The following ERI3 variants were observed in gnomAD, a reference collection of about 807,000 sequenced individuals.
The protein encoded by ERI3 is ERI1 exoribonuclease 3.
Under a neutral mutation model 44.4 loss-of-function variants are expected in ERI3, and 18 were observed. The observed-to-expected ratio is 0.41, with a 90% CI of 0.28 to 0.60. The LOEUF is 0.60. Among genes scored for constraint, ERI3 ranks in the 20% least tolerant of loss-of-function variants. The pLI is 0.36. For missense variants in ERI3, 294 were observed against 435.5 expected, an observed-to-expected ratio of 0.68 and a Z score of 2.89; for synonymous variants, 183 against 164.8, an observed-to-expected ratio of 1.11 and a Z score of -0.84.
At chr1:44,276,373 TATTAC>T (rs1299563277) in intron 7 of ERI3, among the ~76,000 whole-genome samples, 1 of 152,264 alleles carries the variant, frequency 6.6e-6, no homozygotes, top group Non-Finnish European at 1.5e-5. Flanking sequence ...TATGCATTTG[TATTAC>T]ATTTATACAT....
At chr1:44,318,421 T>C (rs1231905462) in intron 4 of ERI3, among the ~76,000 whole-genome samples, 2 of 152,180 alleles carry the variant, frequency 1.3e-5, no homozygotes, top group Non-Finnish European at 2.9e-5. Flanking sequence ...AAAAGTCAGA[T>C]TAGCGCCCCC....
intron 8 of ERI3, among the ~76,000 whole-genome samples, chr1:44,222,006 G>T (rs552415093): frequency 2.0e-5 from 3 of 152,222 alleles, no homozygotes; most frequent in Non-Finnish European, 4.4e-5. Context: ...TGTTGCTGCC[G>T]CGTGGGGACG....
rs576138561 is a variant in ERI3 at position 44,332,863 on chromosome 1, T to C, written c.489+6182A>G. On this transcript the variant is annotated intron_variant, in intron 3 of 8. Coordinates refer to ENST00000372257, the MANE Select transcript of ERI3 (RefSeq NM_024066.3). The stretch of plus-strand genomic sequence containing the variant: ...GGAGGAGGGGCAAGGACCACATTTA[T>C]GGAGGCAGTGACAAAAAAGACAAAG... Among the ~76,000 whole-genome samples, 19 of 152,268 alleles carry C rather than the reference T, an allele frequency of 1.2e-4. No individual in the cohort carries two copies. In the South Asian group the frequency reaches 3.5e-3, roughly 28 times the overall value.
chr1:44,280,136 A>C (rs1572176953), intron 7 of ERI3, among the ~76,000 whole-genome samples: 1 of 152,222 alleles, frequency 6.6e-6, no homozygotes, highest in African/African-American at 2.4e-5. Context: ...CATTTCTATA[A>C]GCAAACTTCG....
intron 2 of ERI3, among the ~76,000 whole-genome samples, chr1:44,343,191 C>CA (rs1335854761): frequency 6.6e-6 from 1 of 151,414 alleles, no homozygotes; most frequent in Non-Finnish European, 1.5e-5. Flanking sequence ...ACCCACTGGC[C>CA]AAGAAACAAT....
At chr1:44,321,641 G>A (rs1045502257) in intron 3 of ERI3, among the ~76,000 whole-genome samples, 7 of 152,116 alleles carry the variant, frequency 4.6e-5, no homozygotes, top group Admixed American at 2.6e-4. Context: ...TGATTTTTCC[G>A]ATGTGTCCTT....
At chr1:44,253,160 G>A (rs1644716345) in intron 7 of ERI3, among the ~76,000 whole-genome samples, 1 of 152,200 alleles carries the variant, frequency 6.6e-6, no homozygotes, top group Admixed American at 6.5e-5. Context: ...CACAGCTGGT[G>A]AGCCAAATAC....
At chr1:44,296,647 G>C (rs1645617868) in intron 6 of ERI3, among the ~76,000 whole-genome samples, 1 of 152,186 alleles carries the variant, frequency 6.6e-6, no homozygotes, top group African/African-American at 2.4e-5. Context: ...CAATGGCAGA[G>C]AGTAAATCAG....
At position 44,241,243 on chromosome 1, in the gene ERI3, G is replaced by A. The variant is rs1179102522; in HGVS notation, c.931+6696C>T. ...CAAACTACAGATATTGTGTTTTCAGGGAGTGAAGGTGGGGAGAGGGGATAA... is the reference window on the plus strand; with the variant it reads ...CAAACTACAGATATTGTGTTTTCAGAGAGTGAAGGTGGGGAGAGGGGATAA... On this transcript the variant is annotated intron_variant, in intron 8 of 8. Transcript: ENST00000372257. The surrounding 1 kb of genome is among the most constrained non-coding windows in gnomAD (Gnocchi z 5.6). Among the ~76,000 whole-genome samples, 1 of 152,106 alleles carries A rather than the reference G, an allele frequency of 6.6e-6. No individual in the cohort carries two copies. Among genetic ancestry groups the A allele is most frequent in the East Asian group, 1.9e-4 (1 of 5,190 alleles).
At chr1:44,222,338 G>A (rs909582289) in intron 8 of ERI3, among the ~76,000 whole-genome samples, 11 of 152,246 alleles carry the variant, frequency 7.2e-5, no homozygotes, top group East Asian at 1.9e-4. Flanking sequence ...GCCATCAGCC[G>A]TCTACCAAAC....
chr1:44,302,099 C>A (rs1050373975), intron 6 of ERI3, among the ~76,000 whole-genome samples: 1 of 152,174 alleles, frequency 6.6e-6, no homozygotes, highest in Admixed American at 6.5e-5. Context: ...GCCTGGCAGG[C>A]CTGCTGTGTC....
intron 2 of ERI3, among the ~76,000 whole-genome samples, chr1:44,351,483 T>C (rs1646888774): frequency 6.6e-6 from 1 of 152,266 alleles, no homozygotes; most frequent in Admixed American, 6.5e-5. Flanking sequence ...AATAAAGTTT[T>C]ACAGGAATAC....
intron 3 of ERI3, among the ~76,000 whole-genome samples, chr1:44,337,523 G>GT (rs781428703): frequency 1.4e-4 from 22 of 152,318 alleles, no homozygotes; most frequent in Non-Finnish European, 2.8e-4. Context: ...GGCAGAGAAC[G>GT]TAAGTGTGGC....
chr1:44,354,387 A>AGCAG, intron 1 of ERI3: 1 of 985,408 alleles, frequency 1.0e-6, no homozygotes, highest in Non-Finnish European at 1.2e-6. Flanking sequence ...GAGCAGTTAT[A>AGCAG]TTTTGCAAGA....
At chr1:44,354,052 C>T (rs1290221354) in intron 1 of ERI3, 4 of 985,272 alleles carry the variant, frequency 4.1e-6, no homozygotes, top group Non-Finnish European at 4.8e-6. Flanking sequence ...TAAAACAAGG[C>T]ATGCTGTATA....
rs751947145 is a variant in ERI3 at position 44,228,485 on chromosome 1, C to T, written c.932-6845G>A. ...AATATTAGACTTAATTAGAGTTTATCACTTCAGAGAAGTATGCGGACCGAA... is the reference window on the plus strand; with the variant it reads ...AATATTAGACTTAATTAGAGTTTATTACTTCAGAGAAGTATGCGGACCGAA... On this transcript the variant is annotated intron_variant, in intron 8 of 8. Transcript: ENST00000372257. The surrounding 1 kb of genome is among the most constrained non-coding windows in gnomAD (Gnocchi z 4.3). Among the ~76,000 whole-genome samples the T allele has an allele frequency of 2.0e-5, 3 of 152,200 alleles. No homozygotes were observed. The highest frequency in any genetic ancestry group is 2.9e-5 in the Non-Finnish European group (2 of 68,052).
chr1:44,347,826 T>A (rs1646814320), intron 2 of ERI3, among the ~76,000 whole-genome samples: 1 of 151,968 alleles, frequency 6.6e-6, no homozygotes, highest in South Asian at 2.1e-4. Context: ...CTTGTTAGAC[T>A]AATGCATTTC....
intron 3 of ERI3, among the ~76,000 whole-genome samples, chr1:44,333,344 G>GA (rs1243158033): frequency 1.3e-5 from 2 of 152,162 alleles, no homozygotes; most frequent in Non-Finnish European, 2.9e-5. Context: ...TGTCTGTACA[G>GA]AAAAAAGTAC....
chr1:44,290,476 C>T (rs959091969), intron 6 of ERI3, among the ~76,000 whole-genome samples: 1 of 152,186 alleles, frequency 6.6e-6, no homozygotes, highest in African/African-American at 2.4e-5. Flanking sequence ...CTGTCCCTAG[C>T]GGCCCTGCAG....
Sources: gnomAD v4.1 joint callset for allele counts (sites outside exome capture counted in the v4.1 genomes callset) on GRCh38, gnomAD v4.1.1 for gene constraint, Gnocchi (gnomAD v3.1) non-coding constraint, MANE v1.5 for transcripts, NCBI Gene and HGNC (gene_info 2026-07-23, HGNC 2026-07-21) for gene names.